ANKFN1: variants seen among roughly 807,000 people sequenced by gnomAD.
ANKFN1 encodes the protein ankyrin repeat and fibronectin type III domain containing 1.
Under a neutral mutation model 108.7 loss-of-function variants are expected in ANKFN1, and 74 were observed. That is an observed-to-expected ratio of 0.68 (90% CI 0.56 to 0.83). The LOEUF (loss-of-function observed/expected upper bound fraction) is 0.83. Ranked by LOEUF, ANKFN1 falls within the 40% of genes least tolerant of loss-of-function variation. The probability of loss-of-function intolerance (pLI) is 0.00; values close to 1 mark genes in which losing one functional copy is unlikely to be tolerated. For synonymous variants in ANKFN1, 547 were observed against 516.2 expected (o/e 1.06, Z -0.81); for missense variants, 1,505 against 1,382.3 (o/e 1.09, Z -1.41).
chr17:56,301,849 A>G (rs1055494734), intron 3 of ANKFN1, among the ~76,000 whole-genome samples: 1 of 152,264 alleles, frequency 6.6e-6, no homozygotes, highest in Non-Finnish European at 1.5e-5. Context: ...AACTGACAGG[A>G]AGTAGCCAGT....
At chr17:56,149,832 C>T (rs1908489333), upstream of ANKFN1, among the ~76,000 whole-genome samples, 1 of 152,266 alleles carries the variant, frequency 6.6e-6, no homozygotes, top group African/African-American at 2.4e-5. Context: ...CTCCACAAGC[C>T]CAGCCTCCCT....
At chr17:56,155,932 C>T (rs73325695) in intron 1 of ANKFN1, among the ~76,000 whole-genome samples, 6,745 of 152,204 alleles carry the variant, frequency 0.044, 499 homozygotes, top group African/African-American at 0.15. Flanking sequence ...AAGCAGCCTA[C>T]GTGGGAAGTC....
intron 4 of ANKFN1, among the ~76,000 whole-genome samples, chr17:56,090,094 A>C (rs146979944): frequency 1.3e-5 from 2 of 151,302 alleles, no homozygotes; most frequent in Non-Finnish European, 3.0e-5. Flanking sequence ...CTGTTGTAGG[A>C]AAATGTGTGG....
chr17:56,459,782 T>C (rs1036285768), intron 14 of ANKFN1, among the ~76,000 whole-genome samples: 1 of 152,148 alleles, frequency 6.6e-6, no homozygotes, highest in East Asian at 1.9e-4. Context: ...AGTCAGACGC[T>C]GAGTGATGCA....
At chr17:56,478,793 G>T (rs1327975898) in intron 16 of ANKFN1, among the ~76,000 whole-genome samples, 1 of 151,926 alleles carries the variant, frequency 6.6e-6, no homozygotes, top group Non-Finnish European at 1.5e-5. Context: ...TACTCCCAAA[G>T]AGTATAAACT....
intron 4 of ANKFN1, among the ~76,000 whole-genome samples, chr17:56,343,634 G>C (rs187770755): frequency 6.6e-6 from 1 of 151,700 alleles, no homozygotes; most frequent in East Asian, 1.9e-4. Context: ...AGTTAAATAG[G>C]GGCATATTTT....
chr17:56,372,801 C>A lies in ANKFN1; in HGVS notation c.757C>A (p.Arg253=), dbSNP rs766486507. The part of the protein sequence containing the change: ...KQLKAWEWRY[R]LYRRMKTGFE... The stretch of plus-strand genomic sequence containing the variant: ...GCTGAAAGCTTGGGAGTGGAGGTAT[C>A]GGCTCTACAGACGCATGAAAACAGG... Residue 253 remains arginine, a synonymous_variant, in exon 7 of 21, where the codon CGG becomes AGG. Transcript: ENST00000682825. 6.2e-7 allele frequency: 1 copy of A among 1,613,910 alleles called. No individual in the cohort carries two copies. Among genetic ancestry groups the A allele is most frequent in the East Asian group, 2.2e-5 (1 of 44,874 alleles).
intron 4 of ANKFN1, among the ~76,000 whole-genome samples, chr17:56,076,910 C>G (rs1197780865): frequency 1.3e-5 from 2 of 152,100 alleles, no homozygotes; most frequent in Non-Finnish European, 2.9e-5. Context: ...TTGCATCAGT[C>G]TTATGATAGA....
intron 4 of ANKFN1, among the ~76,000 whole-genome samples, chr17:56,089,846 T>C (rs9905403): frequency 0.013 from 1,956 of 151,364 alleles, 99 homozygotes; most frequent in African/African-American, 0.045. Context: ...CCCTGAGCCT[T>C]TGTTTCCTCA....
At chr17:56,278,714 G>A (rs906424691) in intron 3 of ANKFN1, among the ~76,000 whole-genome samples, 5 of 152,334 alleles carry the variant, frequency 3.3e-5, no homozygotes, top group Admixed American at 3.3e-4. Flanking sequence ...GAGAGTAGAT[G>A]ACCAAGAGAC....
intron 6 of ANKFN1, among the ~76,000 whole-genome samples, chr17:56,370,901 AT>A: frequency 6.6e-6 from 1 of 151,726 alleles, no homozygotes; most frequent in South Asian, 2.1e-4. Flanking sequence ...GAGGCTACTA[AT>A]ATTGCCAATT....
intron 4 of ANKFN1, among the ~76,000 whole-genome samples, chr17:56,060,056 C>A (rs1904946122): frequency 6.6e-6 from 1 of 152,166 alleles, no homozygotes; most frequent in East Asian, 1.9e-4. Context: ...TTCTTCCTAT[C>A]CATGAGGATG....
Position 56,442,936 on chromosome 17 carries a change from A to C in ANKFN1, c.1099+3A>C. On this transcript the variant is annotated splice_donor_region_variant and intron_variant, in intron 10 of 20. Transcript: ENST00000682825. ...ACCGGCATGTGCCTCTCCTTCTAGTAGGTGGTGGCTGTGAACTCTCTCCAG... is the reference window on the plus strand; with the variant it reads ...ACCGGCATGTGCCTCTCCTTCTAGTCGGTGGTGGCTGTGAACTCTCTCCAG... 6.2e-7 allele frequency: 1 copy of C among 1,613,490 alleles called. No individual in the cohort carries two copies. Among genetic ancestry groups the C allele is most frequent in the Non-Finnish European group, 8.5e-7 (1 of 1,179,610 alleles).
chr17:56,141,680 G>A (rs1907925652), intron 4 of ANKFN1, among the ~76,000 whole-genome samples: 2 of 152,048 alleles, frequency 1.3e-5, no homozygotes, highest in African/African-American at 2.4e-5. Flanking sequence ...TGTGTGGGGG[G>A]TGGGGGAGCA....
intron 2 of ANKFN1, among the ~76,000 whole-genome samples, chr17:56,218,538 C>G (rs1358587532): frequency 1.3e-5 from 2 of 152,146 alleles, no homozygotes; most frequent in Non-Finnish European, 2.9e-5. Context: ...AGCACATGCC[C>G]TGTCTCGGGG....
chr17:56,189,914 T>G lies in ANKFN1; in HGVS notation c.-70-22684T>G, dbSNP rs140163650. On this transcript the variant is annotated intron_variant, in intron 1 of 20. Transcript: ENST00000682825. ...CCCACATAAATATAGTCAACTGATC[T>G]TTGACCAAGAAGCAAAGGCATTATC... Among the ~76,000 whole-genome samples the G allele has an allele frequency of 2.3e-4, 35 of 152,198 alleles. 2 individuals carry two copies. In the East Asian group the frequency reaches 6.6e-3, roughly 29 times the overall value.
intron 8 of ANKFN1, among the ~76,000 whole-genome samples, chr17:56,410,613 C>T (rs1204298740): frequency 1.3e-5 from 2 of 152,120 alleles, no homozygotes; most frequent in South Asian, 2.1e-4. Context: ...CCAAGCAGTG[C>T]AATAGATCAC....
intron 3 of ANKFN1, among the ~76,000 whole-genome samples, chr17:56,318,825 C>T (rs1209341783): frequency 1.3e-5 from 2 of 152,038 alleles, no homozygotes; most frequent in African/African-American, 4.8e-5. Context: ...GCTTGTTTGT[C>T]GTCATTGATA....
chr17:56,444,014 C>T (rs937749165), intron 10 of ANKFN1, among the ~76,000 whole-genome samples: 11 of 152,176 alleles, frequency 7.2e-5, no homozygotes, highest in African/African-American at 2.7e-4. Flanking sequence ...ACGTCTAGGA[C>T]TCTACCCTAA....
Sources: gnomAD v4.1 joint callset for allele counts (sites outside exome capture counted in the v4.1 genomes callset) on GRCh38, gnomAD v4.1.1 for gene constraint, MANE v1.5 for transcripts, NCBI Gene and HGNC (gene_info 2026-07-23, HGNC 2026-07-21) for gene names.